Variants in CFAP44 observed in about 807,000 individuals in gnomAD.
CFAP44 encodes the protein cilia and flagella associated protein 44, also known as cilia- and flagella-associated protein 44.
A neutral mutation model predicts 216.2 loss-of-function variants in CFAP44; 134 were observed. The ratio of observed to expected loss-of-function variants is 0.62; its 90% CI spans 0.54 to 0.72. The LOEUF is 0.72. Among genes scored for constraint, CFAP44 ranks in the 30% least tolerant of loss-of-function variants. The pLI is 0.00. For missense variants in CFAP44, 2,035 were observed against 2,182.1 expected (o/e 0.93, Z 1.34); for synonymous variants, 700 against 727.6 (o/e 0.96, Z 0.61).
At position 113,362,785 on chromosome 3, in the gene CFAP44, C is replaced by T. The variant is rs114716554; in HGVS notation, c.2934+360G>A. Reference sequence around the variant, plus strand: ...CATAGTTCCCAACGAAGCCAGCCACCGGACGCTTCAGGCCAATTTTTGTTT... The same window carrying T: ...CATAGTTCCCAACGAAGCCAGCCACTGGACGCTTCAGGCCAATTTTTGTTT... On this transcript the variant is annotated intron_variant, in intron 21 of 34. Transcript: ENST00000393845. 7.8e-4 allele frequency: 524 copies of T among 674,896 alleles called. 4 individuals carry two copies. The African/African-American group carries it at 9.0e-3, about 12-fold the overall frequency. 41.8% of individuals were successfully genotyped at this position (674,896 alleles called of 1,614,324 possible).
Position 113,427,450 on chromosome 3 carries a change from A to G in CFAP44, c.101-111T>C, listed in dbSNP as rs1934993149. ...GCTATAGATGTAATAAATCTAATAC[A>G]TACTCAAAAATTTCTAGAAGAATCA... On this transcript the variant is annotated intron_variant, in intron 2 of 34. Coordinates refer to ENST00000393845, the MANE Select transcript of CFAP44 (RefSeq NM_001164496.2). 6.9e-6 allele frequency: 5 copies of G among 725,700 alleles called. No homozygotes were observed. In the Admixed American group the frequency reaches 1.8e-4, roughly 26 times the overall value. The allele number at this position is 725,700 out of a possible 1,614,324, so 45.0% of individuals were successfully genotyped here.
Position 113,330,343 on chromosome 3 carries a change from T to C in CFAP44, c.3941A>G (p.Asp1314Gly), listed in dbSNP as rs1164866746. The change falls in exon 26 of 35, where the codon GAT (aspartate) becomes GGT (glycine). Residue 1314 changes from aspartate (D) to glycine (G), a missense_variant. By Grantham distance (94) the Asp-to-Gly change is moderately conservative (BLOSUM62 -1). Transcript: ENST00000393845. The part of the protein sequence containing the change: ...GGFLKLSSRK[D>G]GDLTTRDSIS... ...TGAATCACGGGTTGTCAAATCCCCA[T>C]CCTTTCTAGAAGAGAGTTTGAGGAA... 2.6e-6 allele frequency: 4 copies of C among 1,537,188 alleles called. No individual in the cohort carries two copies. The highest frequency in any genetic ancestry group is 2.0e-5 in the Admixed American group (1 of 50,966).
chr3:113,409,841 G>A (rs1427254974), intron 6 of CFAP44, among the ~76,000 whole-genome samples: 1 of 152,172 alleles, frequency 6.6e-6, no homozygotes, highest in African/African-American at 2.4e-5. Context: ...ACCTCTGGTC[G>A]TCCTCACTAC....
intron 8 of CFAP44, 26 bp downstream of exon 8, chr3:113,406,901 T>C: frequency 6.5e-7 from 1 of 1,532,360 alleles, no homozygotes; most frequent in Non-Finnish European, 9.0e-7. Context: ...ACAATTTTAA[T>C]ATTGTAGAAT....
Position 113,427,242 on chromosome 3 carries a change from T to C in CFAP44, c.198A>G (p.Glu66=), listed in dbSNP as rs764916991. The change falls in exon 3 of 35, where the codon GAA becomes GAG. Residue 66 remains glutamate (E), a synonymous_variant. Transcript: ENST00000393845. The part of the protein sequence containing the change: ...GSYLEEDSDE[E]RLEGSLSSFQ... ...ATGAACTCAAACTTCCTTCCAAACGTTCCTCATCTGAGTCTTCTTCTAAAT... is the reference window on the plus strand; with the variant it reads ...ATGAACTCAAACTTCCTTCCAAACGCTCCTCATCTGAGTCTTCTTCTAAAT... 6 of 1,613,530 alleles carry C rather than the reference T, an allele frequency of 3.7e-6. No homozygotes were observed. The highest frequency in any genetic ancestry group is 2.2e-5 in the East Asian group (1 of 44,822).
At chr3:113,365,740 T>C (rs922582697) in intron 19 of CFAP44, among the ~76,000 whole-genome samples, 1 of 152,064 alleles carries the variant, frequency 6.6e-6, no homozygotes, top group African/African-American at 2.4e-5. Flanking sequence ...TTGCAAACTT[T>C]GAAAAAAAAC....
intron 6 of CFAP44, among the ~76,000 whole-genome samples, chr3:113,413,609 C>T (rs976855730): frequency 1.3e-5 from 2 of 152,182 alleles, no homozygotes; most frequent in Non-Finnish European, 2.9e-5. Flanking sequence ...TTTCCCAGCA[C>T]CACTTACTGA....
chr3:113,291,414 A>T lies in CFAP44; in HGVS notation c.*143T>A, dbSNP rs1949827483. On this transcript the variant is annotated 3_prime_UTR_variant, in exon 35 of 35. Transcript: ENST00000393845. ...TAACCAAATTGTAGAGAGATTCTTA[A>T]AGTGACTTAACGTGACTGGATCTGG... The T allele has an allele frequency of 1.1e-6, 1 of 945,144 alleles. No homozygotes were observed. The highest frequency in any genetic ancestry group is 2.6e-5 in the East Asian group (1 of 37,754). 58.5% of individuals were successfully genotyped at this position (945,144 alleles called of 1,614,324 possible). A position where few individuals can be genotyped will look rare whatever the true frequency, so the allele number is the denominator to read the frequency against.
Position 113,387,058 on chromosome 3 carries a change from A to T in CFAP44, c.1891-5998T>A, listed in dbSNP as rs889375483. Among the ~76,000 whole-genome samples, 24 of 152,194 alleles carry T rather than the reference A, an allele frequency of 1.6e-4. 1 individual carries two copies. The highest frequency in any genetic ancestry group is 1.6e-3 in the Admixed American group (24 of 15,284). ...AACCTGAGTTCTGGTAAGCCTCACC[A>T]CCATAGCCTAAAGTGCTCTGCGATC... On this transcript the variant is annotated intron_variant, in intron 15 of 34. Transcript: ENST00000393845.
Position 113,291,401 on chromosome 3 carries a change from A to T in CFAP44, c.*156T>A. 1 of 839,238 alleles carries T rather than the reference A, an allele frequency of 1.2e-6. No homozygotes were observed. Among genetic ancestry groups the T allele is most frequent in the Non-Finnish European group, 1.8e-6 (1 of 555,710 alleles). 52.0% of individuals were successfully genotyped at this position (839,238 alleles called of 1,614,324 possible). On this transcript the variant is annotated 3_prime_UTR_variant, in exon 35 of 35. Coordinates refer to ENST00000393845, the MANE Select transcript of CFAP44 (RefSeq NM_001164496.2). Reference sequence around the variant, plus strand: ...GTCAGTTCTAAGATAACCAAATTGTAGAGAGATTCTTAAAGTGACTTAACG... The same window carrying T: ...GTCAGTTCTAAGATAACCAAATTGTTGAGAGATTCTTAAAGTGACTTAACG...
At chr3:113,375,316 T>C (rs977111015) in intron 17 of CFAP44, among the ~76,000 whole-genome samples, 1 of 152,174 alleles carries the variant, frequency 6.6e-6, no homozygotes, top group Admixed American at 6.5e-5. Flanking sequence ...CACTTAAAAA[T>C]GGTTAAGATG....
At chr3:113,341,063 T>G (rs1239557104) in intron 24 of CFAP44, among the ~76,000 whole-genome samples, 1 of 152,226 alleles carries the variant, frequency 6.6e-6, no homozygotes, top group Non-Finnish European at 1.5e-5. Flanking sequence ...ACCAGTTACT[T>G]GTGTCTTCTT....
Position 113,310,356 on chromosome 3 carries a change from T to C in CFAP44, c.4517-2088A>G, listed in dbSNP as rs1190347512. Among the ~76,000 whole-genome samples, 10 of 152,346 alleles carry C rather than the reference T, an allele frequency of 6.6e-5. No individual in the cohort carries two copies. The East Asian group carries it at 1.7e-3, about 26-fold the overall frequency. On this transcript the variant is annotated intron_variant, in intron 28 of 34. Transcript: ENST00000393845. ...CACGATGTTGATCACAGAAACTACA[T>C]GTGGAGCTGGAACCCACACCCATAC...
intron 28 of CFAP44, among the ~76,000 whole-genome samples, chr3:113,309,584 A>G (rs1950019586): frequency 6.6e-6 from 1 of 152,196 alleles, no homozygotes; most frequent in African/African-American, 2.4e-5. Flanking sequence ...GGTTTTGGAT[A>G]AGGGGTTGTA....
chr3:113,312,362 T>C (rs111319518), intron 28 of CFAP44, among the ~76,000 whole-genome samples: 14,103 of 151,058 alleles, frequency 0.093, 914 homozygotes, highest in African/African-American at 0.17. Context: ...GGATTACAGG[T>C]ATGAGCCACC....
At position 113,373,549 on chromosome 3, in the gene CFAP44, T is replaced by C. The variant is rs1376556143; in HGVS notation, c.2306A>G (p.Tyr769Cys). Residue 769 changes from tyrosine to cysteine, a missense_variant, in exon 18 of 35, where the codon TAT becomes TGT. Physicochemically the swap from Tyr to Cys is radical, Grantham distance 194 (BLOSUM62 -2). This residue lies in a region of CFAP44 where 1,883 missense variants were observed against 2,023.7 expected (regional missense o/e 0.93). Coordinates refer to ENST00000393845, the MANE Select transcript of CFAP44 (RefSeq NM_001164496.2). ...ACAGTGATATAGAAAACCAGAATCA[T>C]AGCCACCCTAGAAAAGAGATAAGTA... ...PGKFWVSLGG[Y>C]DSGFLYHCEF... 20 of 1,586,004 alleles carry C rather than the reference T, an allele frequency of 1.3e-5. No individual in the cohort carries two copies. The highest frequency in any genetic ancestry group is 7.1e-5 in the Admixed American group (4 of 56,650).
intron 18 of CFAP44, among the ~76,000 whole-genome samples, chr3:113,367,696 C>G (rs1014946476): frequency 1.2e-4 from 18 of 152,174 alleles, no homozygotes; most frequent in Admixed American, 3.9e-4. Context: ...ATCACAGCTC[C>G]TCACCAGCAA....
At chr3:113,374,090 A>T (rs996033316) in intron 17 of CFAP44, among the ~76,000 whole-genome samples, 3 of 152,198 alleles carry the variant, frequency 2.0e-5, no homozygotes, top group Admixed American at 2.0e-4. Flanking sequence ...TAAGGGTCAG[A>T]ACAACTTTAT....
rs1933490544 is a variant in CFAP44, at chr3:113,380,958, C to T, written c.1993G>A (p.Glu665Lys). 3.1e-6 allele frequency: 5 copies of T among 1,596,826 alleles called. No homozygotes were observed. In the South Asian group the frequency reaches 4.6e-5, roughly 15 times the overall value. ...EEDDHDVVSYEIKDMCIKCFH... is the reference protein window; with the variant it reads ...EEDDHDVVSYKIKDMCIKCFH... Reference sequence around the variant, plus strand: ...CATTTTATGCACATGTCTTTGATTTCATAGGAGACTACATCATGATCATCC... The same window carrying T: ...CATTTTATGCACATGTCTTTGATTTTATAGGAGACTACATCATGATCATCC... Residue 665 changes from glutamate (E) to lysine (K), a missense_variant, in exon 16 of 35, where the codon GAA becomes AAA. By Grantham distance (56) the Glu-to-Lys change is moderately conservative. Around this residue, in one of 3 missense-constraint regions of CFAP44, gnomAD observed 1,883 missense variants for 2,023.7 expected, o/e 0.93. Transcript: ENST00000393845.
Sources: gnomAD v4.1 joint callset for allele counts (sites outside exome capture counted in the v4.1 genomes callset) on GRCh38, gnomAD v4.1.1 for gene constraint, gnomAD v4.1.1 regional missense constraint, MANE v1.5 for transcripts, NCBI Gene and HGNC (gene_info 2026-07-23, HGNC 2026-07-21) for gene names.